The following BPIFB4 variants were observed in gnomAD, a reference collection of about 807,000 sequenced individuals.
BPIFB4 encodes BPI fold containing family B member 4, also known as BPI fold-containing family B member 4.
BPIFB4 carries 62 observed loss-of-function variants against 69.2 expected under a neutral mutation model. The observed-to-expected ratio is 0.90, with a 90% CI of 0.73 to 1.11. BPIFB4 has a LOEUF of 1.11. Ranked by LOEUF, BPIFB4 falls within the 50% of genes least tolerant of loss-of-function variation. BPIFB4 has a pLI of 0.00. For missense variants in BPIFB4, 789 were observed against 792.0 expected, an observed-to-expected ratio of 1.00 and a Z score of 0.04; for synonymous variants, 330 against 332.7, an observed-to-expected ratio of 0.99 and a Z score of 0.09.
intron 1 of BPIFB4, among the ~76,000 whole-genome samples, chr20:33,080,191 G>GA (rs1981187780): frequency 1.5e-5 from 1 of 64,756 alleles, no homozygotes; most frequent in Non-Finnish European, 3.7e-5. Flanking sequence ...GAAAGAATTT[G>GA]GGGGCGCTGT....
chr20:33,089,970 G>A (rs900088994), intron 9 of BPIFB4, among the ~76,000 whole-genome samples: 2 of 152,234 alleles, frequency 1.3e-5, no homozygotes, highest in African/African-American at 4.8e-5. Flanking sequence ...TGACTAGCAG[G>A]AGACACACTG....
intron 12 of BPIFB4, among the ~76,000 whole-genome samples, chr20:33,096,510 A>G (rs1489734299): frequency 2.0e-5 from 3 of 152,276 alleles, no homozygotes; most frequent in Admixed American, 2.0e-4. Flanking sequence ...CCTGACCTCA[A>G]GTGATCTGCC....
At chr20:33,086,275 T>C (rs1981427819) in intron 7 of BPIFB4, 111 bp downstream of exon 7, 5 of 1,386,222 alleles carry the variant, frequency 3.6e-6, no homozygotes, top group African/African-American at 1.4e-5. Context: ...GGCAGGACGA[T>C]GATGCTGTGG....
intron 15 of BPIFB4, among the ~76,000 whole-genome samples, chr20:33,104,314 C>G (rs1981984436): frequency 6.6e-6 from 1 of 152,220 alleles, no homozygotes; most frequent in Non-Finnish European, 1.5e-5. Flanking sequence ...TACCCACCAT[C>G]CTCACCGCAT....
At position 33,090,790 on chromosome 20, in the gene BPIFB4, G is replaced by A; in HGVS notation, c.1134G>A (p.Leu378=). 2 of 1,614,162 alleles carry A rather than the reference G, an allele frequency of 1.2e-6. No individual in the cohort carries two copies. Among genetic ancestry groups the A allele is most frequent in the Non-Finnish European group, 1.7e-6 (2 of 1,180,016 alleles). Residue 378 remains leucine (L), a synonymous_variant, in exon 10 of 18, where the codon CTG becomes CTA. Transcript: ENST00000375483. The stretch of plus-strand genomic sequence containing the variant: ...TTGTGACCGGGGAATTCCTGGAGCT[G>A]GACCTCAACGTGAGTGCCTGGGGTT... ...LPLVTGEFLE[L]DLNTLVGEAG...
chr20:33,108,092 A>G (rs1982122538), intron 17 of BPIFB4, among the ~76,000 whole-genome samples: 1 of 152,202 alleles, frequency 6.6e-6, no homozygotes, highest in Non-Finnish European at 1.5e-5. Context: ...GGCTCACAGC[A>G]GTAAGGGGCT....
intron 16 of BPIFB4, among the ~76,000 whole-genome samples, chr20:33,105,253 A>G (rs1473077133): frequency 6.6e-6 from 1 of 152,190 alleles, no homozygotes; most frequent in African/African-American, 2.4e-5. Flanking sequence ...TTGTTTTCCC[A>G]TATGATTGAG....
chr20:33,090,893 G>A lies in BPIFB4; in HGVS notation c.1143+94G>A, dbSNP rs1056693793. 5 of 1,468,426 alleles carry A rather than the reference G, an allele frequency of 3.4e-6. No homozygotes were observed. In the African/African-American group the frequency reaches 4.2e-5, roughly 12 times the overall value. 91.0% of individuals were successfully genotyped at this position (1,468,426 alleles called of 1,614,324 possible). On this transcript the variant is annotated intron_variant, in intron 10 of 17. Coordinates refer to ENST00000375483, the MANE Select transcript of BPIFB4 (RefSeq NM_182519.3). ...CTCCCAGGGCTTCTGCTGAATGCCT[G>A]GGAAGTAACACTTGACAGGACCCTC...
chr20:33,089,135 CAG>C, intron 8 of BPIFB4, 106 bp downstream of exon 8: 1 of 1,546,654 alleles, frequency 6.5e-7, no homozygotes, highest in Admixed American at 1.7e-5. Context: ...CCCAGAGGGA[CAG>C]AGAGAGCCAA....
intron 8 of BPIFB4, 58 bp from the exon 9 acceptor site, chr20:33,089,440 T>C: frequency 1.2e-6 from 2 of 1,611,948 alleles, no homozygotes; most frequent in South Asian, 2.2e-5. Flanking sequence ...CGTCCCCGAC[T>C]CCCTTGCTCC....
chr20:33,097,537 T>C (rs777996914), intron 12 of BPIFB4, 80 bp from the exon 13 acceptor site: 125 of 1,420,072 alleles, frequency 8.8e-5, no homozygotes, highest in Non-Finnish European at 1.1e-4. Context: ...CGGTGCTCTG[T>C]GTTTAGAGGT....
chr20:33,085,928 A>G, intron 6 of BPIFB4, 93 bp from the exon 7 acceptor site: 1 of 1,447,738 alleles, frequency 6.9e-7, no homozygotes, highest in Non-Finnish European at 9.6e-7. Context: ...AGCGTAGCAG[A>G]TGGCAGGGAC....
chr20:33,089,764 AG>A (rs1981546664), intron 9 of BPIFB4, among the ~76,000 whole-genome samples: 1 of 151,694 alleles, frequency 6.6e-6, no homozygotes, highest in Non-Finnish European at 1.5e-5. Context: ...AGCTTCCACC[AG>A]GGTCTGGGAG....
In BPIFB4 at chr20:33,103,015, G is replaced by GTAAGTACCATGT; in HGVS notation, c.1680+3_1680+14dup. 1 of 1,613,842 alleles carries GTAAGTACCATGT rather than the reference G, an allele frequency of 6.2e-7. No homozygotes were observed. Among genetic ancestry groups the GTAAGTACCATGT allele is most frequent in the South Asian group, 1.1e-5 (1 of 91,056 alleles). Reference sequence around the variant, plus strand: ...AACCTCAAACGTGGGCAACTTTGATGTAAGTACCATGTTTAGTTCCCAGGG... The same window carrying GTAAGTACCATGT: ...AACCTCAAACGTGGGCAACTTTGATGTAAGTACCATGTTAAGTACCATGTTTAGTTCCCAGGG... On this transcript the variant is annotated splice_donor_variant, in intron 15 of 17. Transcript: ENST00000375483. LOFTEE classifies it high-confidence loss of function.
At position 33,097,750 on chromosome 20, in the gene BPIFB4, C is replaced by T; in HGVS notation, c.1532C>T (p.Pro511Leu). The change falls in exon 13 of 18, where the codon CCC (proline) becomes CTC (leucine). Residue 511 changes from proline to leucine, a missense_variant. Pro to Leu is a moderately conservative substitution (Grantham distance 98). Transcript: ENST00000375483. Reference protein sequence around the residue: ...LATAEVMVSQPKDLETTICLI... With the variant: ...LATAEVMVSQLKDLETTICLI... The stretch of plus-strand genomic sequence containing the variant: ...ACTGCCGAGGTCATGGTCTCCCAGC[C>T]CAAAGACCTGGAGACTACCATCTGC... 1 of 1,614,116 alleles carries T rather than the reference C, an allele frequency of 6.2e-7. No homozygotes were observed. The highest frequency in any genetic ancestry group is 8.5e-7 in the Non-Finnish European group (1 of 1,179,990).
chr20:33,105,446 T>C (rs1368040114), intron 16 of BPIFB4, among the ~76,000 whole-genome samples: 1 of 151,864 alleles, frequency 6.6e-6, no homozygotes, highest in Non-Finnish European at 1.5e-5. Flanking sequence ...AGTTAGGAGG[T>C]TTTCTTGCCC....
chr20:33,098,720 G>C (rs1056330639), intron 13 of BPIFB4, among the ~76,000 whole-genome samples: 2 of 149,270 alleles, frequency 1.3e-5, no homozygotes, highest in African/African-American at 2.5e-5. Flanking sequence ...ACTCCAGCCC[G>C]GGTGACAGAG....
At chr20:33,105,005 C>T (rs1050949921) in intron 16 of BPIFB4, 132 bp downstream of exon 16, 55 of 859,918 alleles carry the variant, frequency 6.4e-5, no homozygotes, top group Non-Finnish European at 9.2e-5. Flanking sequence ...TGAAGCGTGT[C>T]GATGAAAGCC....
intron 17 of BPIFB4, among the ~76,000 whole-genome samples, chr20:33,109,876 C>T (rs918711309): frequency 6.6e-6 from 1 of 152,048 alleles, no homozygotes; most frequent in Non-Finnish European, 1.5e-5. Context: ...CCTGTAGGCC[C>T]CCTGTAAATG....
Sources: gnomAD v4.1 joint callset for allele counts (sites outside exome capture counted in the v4.1 genomes callset) on GRCh38, gnomAD v4.1.1 for gene constraint, MANE v1.5 for transcripts, NCBI Gene and HGNC (gene_info 2026-07-23, HGNC 2026-07-21) for gene names.